The following ARHGAP26 variants were observed in gnomAD, a reference collection of about 807,000 sequenced individuals.
ARHGAP26 encodes the protein rho GTPase-activating protein 26.
A neutral mutation model predicts 104.8 loss-of-function variants in ARHGAP26; 38 were observed. That is an observed-to-expected ratio of 0.36 (90% CI 0.28 to 0.48). The LOEUF is 0.48. ARHGAP26 is among the 20% of genes least tolerant of loss of function. The pLI is 0.99. For synonymous variants in ARHGAP26, 341 were observed against 340.0 expected (o/e 1.00, Z -0.03); for missense variants, 704 against 947.9 (o/e 0.74, Z 3.38).
At chr5:142,891,277 G>A (rs115411016) in intron 5 of ARHGAP26, among the ~76,000 whole-genome samples, 1,815 of 152,024 alleles carry the variant, frequency 0.012, 46 homozygotes, top group Middle Eastern at 0.034. Context: ...AGATTCATCA[G>A]TGCTCAGATA....
chr5:142,828,398 GT>G (rs560007268), intron 1 of ARHGAP26, among the ~76,000 whole-genome samples: 4 of 152,130 alleles, frequency 2.6e-5, no homozygotes, highest in South Asian at 4.2e-4. Context: ...TATGACTTAA[GT>G]TTTTTTTATT....
intron 1 of ARHGAP26, among the ~76,000 whole-genome samples, chr5:142,792,230 C>T (rs1760002884): frequency 6.6e-6 from 1 of 152,184 alleles, no homozygotes; most frequent in Non-Finnish European, 1.5e-5. Flanking sequence ...TGACCTTTTG[C>T]AGGATTTAAT....
chr5:142,794,285 G>C (rs918476778), intron 1 of ARHGAP26, among the ~76,000 whole-genome samples: 1 of 152,194 alleles, frequency 6.6e-6, no homozygotes, highest in African/African-American at 2.4e-5. Flanking sequence ...CCCAGCCCCA[G>C]AGTAGAGTTG....
At position 142,913,191 on chromosome 5, in the gene ARHGAP26, C is replaced by T. The variant is rs953664574; in HGVS notation, c.934-8C>T. The stretch of plus-strand genomic sequence containing the variant: ...GCCTCATCTTGATAGTCTGTGTGTT[C>T]CCACTAGGGAGAAGATGAATCAGTT... On this transcript the variant is annotated splice_polypyrimidine_tract_variant and splice_region_variant and intron_variant, in intron 9 of 22. Coordinates refer to ENST00000645722, the MANE Select transcript of ARHGAP26 (RefSeq NM_001135608.3). 6.2e-7 allele frequency: 1 copy of T among 1,612,706 alleles called. No individual in the cohort carries two copies. The highest frequency in any genetic ancestry group is 1.3e-5 in the African/African-American group (1 of 74,848).
chr5:143,048,930 A>C (rs1056851680), intron 14 of ARHGAP26, among the ~76,000 whole-genome samples: 5 of 151,514 alleles, frequency 3.3e-5, no homozygotes, highest in Admixed American at 1.3e-4. Flanking sequence ...AAAAAAAAAA[A>C]AAAAAACCTT....
At chr5:143,157,404 C>A (rs548561899) in intron 20 of ARHGAP26, among the ~76,000 whole-genome samples, 1 of 152,214 alleles carries the variant, frequency 6.6e-6, no homozygotes, top group East Asian at 1.9e-4. Flanking sequence ...TCTTGAACTC[C>A]TGACCTCAAG....
chr5:142,874,851 G>A lies in ARHGAP26; in HGVS notation c.251-259G>A, dbSNP rs376642506. ...AGCCTGCCAGCATCTCACCAGTCCTGGATACTCTCAGGAACAGGCAGATCT... is the reference window on the plus strand; with the variant it reads ...AGCCTGCCAGCATCTCACCAGTCCTAGATACTCTCAGGAACAGGCAGATCT... On this transcript the variant is annotated intron_variant, in intron 2 of 22. Transcript: ENST00000645722. 99 of 439,780 alleles carry A rather than the reference G, an allele frequency of 2.3e-4. No individual in the cohort carries two copies. The East Asian group carries it at 4.1e-3, about 18-fold the overall frequency. 27.2% of individuals were successfully genotyped at this position (439,780 alleles called of 1,614,324 possible). A position where few individuals can be genotyped will look rare whatever the true frequency, so the allele number is the denominator to read the frequency against.
rs17099688 is a variant in ARHGAP26, at chr5:142,911,037, A to G, written c.934-2162A>G. Reference sequence around the variant, plus strand: ...TTTTCATTTGGATTATTTTCCTTTAAAAGTACCCACTGTTCTCATAGCTTC... The same window carrying G: ...TTTTCATTTGGATTATTTTCCTTTAGAAGTACCCACTGTTCTCATAGCTTC... On this transcript the variant is annotated intron_variant, in intron 9 of 22. Coordinates refer to ENST00000645722, the MANE Select transcript of ARHGAP26 (RefSeq NM_001135608.3). 1.5e-3 allele frequency among the ~76,000 whole-genome samples: 230 copies of G among 152,232 alleles called. 2 individuals are homozygous for G. The East Asian group carries it at 0.042, about 28-fold the overall frequency.
At chr5:142,964,843 A>G (rs1771023760) in intron 11 of ARHGAP26, among the ~76,000 whole-genome samples, 1 of 152,192 alleles carries the variant, frequency 6.6e-6, no homozygotes, top group African/African-American at 2.4e-5. Context: ...AAATAAAGAC[A>G]CAAGACTAAG....
intron 10 of ARHGAP26, among the ~76,000 whole-genome samples, chr5:142,914,457 C>T (rs1489755297): frequency 6.6e-6 from 1 of 152,240 alleles, no homozygotes; most frequent in Non-Finnish European, 1.5e-5. Flanking sequence ...TTGATTTTCT[C>T]ACCTGGAAAA....
intron 8 of ARHGAP26, among the ~76,000 whole-genome samples, chr5:142,906,651 G>A (rs1363698656): frequency 6.6e-6 from 1 of 152,218 alleles, no homozygotes; most frequent in Non-Finnish European, 1.5e-5. Flanking sequence ...CCAAGATACA[G>A]TGCTTTGGGA....
chr5:143,051,176 G>A (rs1598806815), intron 14 of ARHGAP26, among the ~76,000 whole-genome samples: 1 of 152,108 alleles, frequency 6.6e-6, no homozygotes, highest in African/African-American at 2.4e-5. Context: ...GAGTACATAG[G>A]TAACTTTCCT....
intron 11 of ARHGAP26, among the ~76,000 whole-genome samples, chr5:142,935,175 T>G (rs1044791487): frequency 2.6e-5 from 4 of 152,210 alleles, no homozygotes; most frequent in Non-Finnish European, 5.9e-5. Context: ...TGGAGTCTAA[T>G]AGTCTGTGGC....
rs9324910 is a variant in ARHGAP26 at position 143,226,181 on chromosome 5, C to T, written c.*3735C>T. The T allele has an allele frequency of 3.7e-3, 680 of 185,864 alleles. 3 individuals are homozygous for T. The highest frequency in any genetic ancestry group is 0.015 in the African/African-American group (642 of 42,754). The allele number at this position is 185,864 out of a possible 1,614,324, so 11.5% of individuals were successfully genotyped here. On this transcript the variant is annotated 3_prime_UTR_variant, in exon 23 of 23. Coordinates refer to ENST00000645722, the MANE Select transcript of ARHGAP26 (RefSeq NM_001135608.3). ...TTCCTTCAGGTTACTAACAAAATTT[C>T]GTAGCTAAAGAATGCCATGGCCGGG...
At chr5:142,799,504 T>C (rs1761635576) in intron 1 of ARHGAP26, among the ~76,000 whole-genome samples, 1 of 152,238 alleles carries the variant, frequency 6.6e-6, no homozygotes, top group South Asian at 2.1e-4. Flanking sequence ...TGTGAATTCC[T>C]CAGCAGGATT....
At position 143,224,857 on chromosome 5, in the gene ARHGAP26, CAG is replaced by C. The variant is rs1012640614; in HGVS notation, c.*2412_*2413del. 1.8e-5 allele frequency: 4 copies of C among 226,114 alleles called. No homozygotes were observed. The highest frequency in any genetic ancestry group is 1.1e-4 in the Admixed American group (2 of 17,516). 14.0% of individuals were successfully genotyped at this position (226,114 alleles called of 1,614,324 possible). On this transcript the variant is annotated 3_prime_UTR_variant, in exon 23 of 23. Transcript: ENST00000645722. ...GCTTTACAGGTGGTTTTAAAGTTAA[CAG>C]GGGTTTGTCATGGTGATTCACTACT...
chr5:142,986,807 A>T (rs1032471087), intron 11 of ARHGAP26, among the ~76,000 whole-genome samples: 7 of 152,140 alleles, frequency 4.6e-5, no homozygotes, highest in African/African-American at 1.7e-4. Context: ...CAAAGATCAG[A>T]TGGTTGTAGA....
intron 21 of ARHGAP26, among the ~76,000 whole-genome samples, chr5:143,213,222 A>G (rs954177745): frequency 4.6e-5 from 7 of 152,174 alleles, no homozygotes; most frequent in Non-Finnish European, 7.4e-5. Flanking sequence ...CATTTTCTAA[A>G]TGCTCCCCAG....
intron 5 of ARHGAP26, among the ~76,000 whole-genome samples, chr5:142,888,945 G>T (rs1198270339): frequency 6.6e-6 from 1 of 152,216 alleles, no homozygotes; most frequent in East Asian, 1.9e-4. Context: ...CAAGTGGCAG[G>T]CAGGGAAACT....
Sources: allele counts gnomAD v4.1 joint callset (sites outside exome capture counted in the v4.1 genomes callset), GRCh38; gene constraint gnomAD v4.1.1; transcripts MANE v1.5; gene names NCBI Gene and HGNC (gene_info 2026-07-23, HGNC 2026-07-21).